The following SH2D4B variants were observed in gnomAD, a reference collection of about 807,000 sequenced individuals.
The protein encoded by SH2D4B is SH2 domain containing 4B, also known as SH2 domain-containing protein 4B.
A neutral mutation model predicts 61.5 loss-of-function variants in SH2D4B; 45 were observed. The observed-to-expected ratio is 0.73, with a 90% CI of 0.58 to 0.94. The LOEUF (loss-of-function observed/expected upper bound fraction) is 0.94. SH2D4B is among the 40% of genes least tolerant of loss of function. The pLI is 0.00. For synonymous variants in SH2D4B, 224 were observed against 220.4 expected (o/e 1.02, Z -0.14); for missense variants, 572 against 574.2 (o/e 1.00, Z 0.04).
intron 1 of SH2D4B, among the ~76,000 whole-genome samples, chr10:80,542,226 C>T (rs1342924989): frequency 6.6e-6 from 1 of 151,986 alleles, no homozygotes; most frequent in Non-Finnish European, 1.5e-5. Flanking sequence ...CAGGAATGCA[C>T]ATCCTGTGTT....
intron 2 of SH2D4B, among the ~76,000 whole-genome samples, chr10:80,570,622 A>C (rs1842030176): frequency 6.6e-6 from 1 of 152,244 alleles, no homozygotes; most frequent in Non-Finnish European, 1.5e-5. Flanking sequence ...ATGTAACCAT[A>C]GTGAATGTTT....
Position 80,538,517 on chromosome 10 carries a change from T to C in SH2D4B, c.184+2T>C. On this transcript the variant is annotated splice_donor_variant, in intron 1 of 7. Coordinates refer to ENST00000646907, the MANE Select transcript of SH2D4B (RefSeq NM_001388272.1). LOFTEE classifies it high-confidence loss of function. This position sits in a 1 kb window ranked among gnomAD's most constrained non-coding sequence, Gnocchi z 4.8. ...TCAGGCCTCCAAAGACCAAGCGAGG[T>C]ACGTGGCTGGGAGTCACAGAGAGGT... The C allele has an allele frequency of 7.2e-7, 1 of 1,380,946 alleles. No individual in the cohort carries two copies. Among genetic ancestry groups the C allele is most frequent in the Non-Finnish European group, 9.4e-7 (1 of 1,060,618 alleles). The allele number at this position is 1,380,946 out of a possible 1,614,324, so 85.5% of individuals were successfully genotyped here.
intron 2 of SH2D4B, among the ~76,000 whole-genome samples, chr10:80,570,998 C>T (rs1589339235): frequency 6.6e-6 from 1 of 152,236 alleles, no homozygotes; most frequent in Admixed American, 6.5e-5. Context: ...CCTCAGCCTC[C>T]TGAGTATCTG....
intron 6 of SH2D4B, among the ~76,000 whole-genome samples, chr10:80,624,088 A>G (rs1451820369): frequency 6.6e-5 from 10 of 152,062 alleles, no homozygotes; most frequent in Admixed American, 6.6e-4. Flanking sequence ...TGCGCTCCAA[A>G]TCCCACTCTA....
At chr10:80,631,019 C>T (rs1842826636) in intron 6 of SH2D4B, among the ~76,000 whole-genome samples, 1 of 152,196 alleles carries the variant, frequency 6.6e-6, no homozygotes, top group East Asian at 1.9e-4. Flanking sequence ...AAGTCAAGTC[C>T]ACAAAATAAC....
At chr10:80,614,000 G>A (rs904554047) in intron 6 of SH2D4B, among the ~76,000 whole-genome samples, 4 of 152,160 alleles carry the variant, frequency 2.6e-5, no homozygotes, top group Admixed American at 6.5e-5. Flanking sequence ...TGATTACTTC[G>A]GGAATGTTTA....
At chr10:80,568,149 G>A (rs1000769878) in intron 1 of SH2D4B, among the ~76,000 whole-genome samples, 38 of 151,572 alleles carry the variant, frequency 2.5e-4, no homozygotes, top group African/African-American at 7.5e-4. Context: ...GTGCAGTGGC[G>A]CAATGAGAGA....
At chr10:80,606,658 A>G (rs969756461) in intron 5 of SH2D4B, among the ~76,000 whole-genome samples, 3 of 152,130 alleles carry the variant, frequency 2.0e-5, no homozygotes, top group Non-Finnish European at 2.9e-5. Flanking sequence ...TGTTACATTT[A>G]TCTTTTAATG....
At chr10:80,557,155 T>C (rs1409803322) in intron 1 of SH2D4B, among the ~76,000 whole-genome samples, 1 of 152,100 alleles carries the variant, frequency 6.6e-6, no homozygotes, top group African/African-American at 2.4e-5. Flanking sequence ...TGATCATAAT[T>C]TGTTCTTTTT....
chr10:80,618,466 G>C (rs1842682955), intron 6 of SH2D4B, among the ~76,000 whole-genome samples: 1 of 152,134 alleles, frequency 6.6e-6, no homozygotes, highest in South Asian at 2.1e-4. Context: ...GTTAGCCATG[G>C]TTAAATTTCA....
At chr10:80,633,307 A>C (rs1842854645) in intron 6 of SH2D4B, among the ~76,000 whole-genome samples, 1 of 152,204 alleles carries the variant, frequency 6.6e-6, no homozygotes, top group South Asian at 2.1e-4. Context: ...AGAATAACAG[A>C]TGCTAACAGG....
intron 3 of SH2D4B, among the ~76,000 whole-genome samples, chr10:80,586,455 C>T (rs896776934): frequency 3.3e-5 from 5 of 152,156 alleles, no homozygotes; most frequent in African/African-American, 1.2e-4. Flanking sequence ...CCTGTGTCTA[C>T]CTCAGGGTTT....
In SH2D4B at chr10:80,570,319, G is replaced by A. The variant is rs769647450; in HGVS notation, c.347+3G>A. 2 of 1,612,434 alleles carry A rather than the reference G, an allele frequency of 1.2e-6. No homozygotes were observed. Among genetic ancestry groups the A allele is most frequent in the Non-Finnish European group, 8.5e-7 (1 of 1,179,856 alleles). On this transcript the variant is annotated splice_donor_region_variant and intron_variant, in intron 2 of 7. Coordinates refer to ENST00000646907, the MANE Select transcript of SH2D4B (RefSeq NM_001388272.1). ...CAGAGGGAAGCTGAGGAGCTCTGGT[G>A]AGGGGTGCTATGGGGTGTTGGGTGG... is the stretch of plus-strand genomic sequence containing the variant.
chr10:80,624,868 A>C (rs926808621), intron 6 of SH2D4B, among the ~76,000 whole-genome samples: 6 of 152,202 alleles, frequency 3.9e-5, no homozygotes, highest in Non-Finnish European at 8.8e-5. Flanking sequence ...AACAATATTA[A>C]AATATTTTTA....
chr10:80,570,384 T>C (rs1842027104), intron 2 of SH2D4B, 68 bp downstream of exon 2: 1 of 1,542,742 alleles, frequency 6.5e-7, no homozygotes, highest in African/African-American at 1.4e-5. Flanking sequence ...CACGCACGGC[T>C]AATTTTTGTA....
chr10:80,554,126 A>C (rs1343057668), intron 1 of SH2D4B, among the ~76,000 whole-genome samples: 1 of 152,238 alleles, frequency 6.6e-6, no homozygotes, highest in East Asian at 1.9e-4. Context: ...CTTTTCCAGA[A>C]GACTGAAGTT....
At chr10:80,573,053 C>T (rs12569530) in intron 3 of SH2D4B, among the ~76,000 whole-genome samples, 20,241 of 115,242 alleles carry the variant, frequency 0.18, 2,337 homozygotes, top group East Asian at 0.41. Flanking sequence ...GGTGCGATCT[C>T]GGCTCACTGC....
At chr10:80,555,199 T>C (rs1841815348) in intron 1 of SH2D4B, among the ~76,000 whole-genome samples, 1 of 152,082 alleles carries the variant, frequency 6.6e-6, no homozygotes, top group South Asian at 2.1e-4. Flanking sequence ...CTCATCAGAC[T>C]CCTACAATAT....
chr10:80,548,911 ATTTACT>A (rs535028218), intron 1 of SH2D4B, among the ~76,000 whole-genome samples: 76 of 152,272 alleles, frequency 5.0e-4, no homozygotes, highest in African/African-American at 1.8e-3. Context: ...TAGTTTACAC[ATTTACT>A]TTTACTTTTT....
Sources: gnomAD v4.1 joint callset for allele counts (sites outside exome capture counted in the v4.1 genomes callset) on GRCh38, gnomAD v4.1.1 for gene constraint, Gnocchi (gnomAD v3.1) non-coding constraint, MANE v1.5 for transcripts, NCBI Gene and HGNC (gene_info 2026-07-23, HGNC 2026-07-21) for gene names.